APLF: variants seen among roughly 807,000 people sequenced by gnomAD.
The protein encoded by APLF is aprataxin and PNKP like factor.
Under a neutral mutation model 55.6 loss-of-function variants are expected in APLF, and 61 were observed. The ratio of observed to expected loss-of-function variants is 1.10; its 90% CI spans 0.89 to 1.36. APLF has a LOEUF of 1.36. APLF is among the 40% of genes most tolerant of loss of function. APLF has a pLI of 0.00. For synonymous variants in APLF, 207 were observed against 214.8 expected, an observed-to-expected ratio of 0.96 and a Z score of 0.32; for missense variants, 611 against 602.5, an observed-to-expected ratio of 1.01 and a Z score of -0.15.
chr2:68,546,491 T>G lies in APLF; in HGVS notation c.1286+1179T>G, dbSNP rs111674072. 2.2e-4 allele frequency among the ~76,000 whole-genome samples: 33 copies of G among 152,072 alleles called. 1 individual carries two copies. The highest frequency in any genetic ancestry group is 7.5e-4 in the African/African-American group (31 of 41,558). On this transcript the variant is annotated intron_variant, in intron 8 of 9. Coordinates refer to ENST00000303795, the MANE Select transcript of APLF (RefSeq NM_173545.3). ...TGAAAAATTATAGGATAAGCTTACTTTTGAACATAGTTGTAAATATCCTGA... is the reference window on the plus strand; with the variant it reads ...TGAAAAATTATAGGATAAGCTTACTGTTGAACATAGTTGTAAATATCCTGA...
intron 8 of APLF, among the ~76,000 whole-genome samples, chr2:68,564,074 A>C (rs1021994336): frequency 6.6e-6 from 1 of 152,048 alleles, no homozygotes; most frequent in African/African-American, 2.4e-5. Context: ...TTTGGTATTA[A>C]TGTTCCCCAT....
chr2:68,568,249 G>A (rs927929896), intron 9 of APLF: 106 of 984,810 alleles, frequency 1.1e-4, no homozygotes, highest in East Asian at 4.5e-4. Flanking sequence ...CTGATTCAGC[G>A]CATAATATTT....
At chr2:68,486,771 T>C (rs1381182901) in intron 1 of APLF, among the ~76,000 whole-genome samples, 2 of 152,164 alleles carry the variant, frequency 1.3e-5, no homozygotes, top group African/African-American at 4.8e-5. Flanking sequence ...ATAATTATTC[T>C]ATAAAAATTG....
rs1671692372 is a variant in APLF, at chr2:68,578,925, A to T, written c.*903A>T. ...AAACCACTTATTCTCCAGTTTTACA[A>T]AGTATCTTTCTGTATTTCTGTTCTA... is the stretch of plus-strand genomic sequence containing the variant. On this transcript the variant is annotated 3_prime_UTR_variant, in exon 10 of 10. Transcript: ENST00000303795. 1.0e-6 allele frequency: 1 copy of T among 985,192 alleles called. No homozygotes were observed. The highest frequency in any genetic ancestry group is 4.7e-5 in the South Asian group (1 of 21,294). The allele number at this position is 985,192 out of a possible 1,614,324, so 61.0% of individuals were successfully genotyped here.
intron 5 of APLF, among the ~76,000 whole-genome samples, chr2:68,524,966 G>A (rs75436646): frequency 0.084 from 12,807 of 152,198 alleles, 603 homozygotes; most frequent in Middle Eastern, 0.12. Flanking sequence ...CATTGTTATT[G>A]AGATTTATTT....
At chr2:68,485,456 G>C (rs955454052) in intron 1 of APLF, among the ~76,000 whole-genome samples, 1 of 152,170 alleles carries the variant, frequency 6.6e-6, no homozygotes, top group Non-Finnish European at 1.5e-5. Context: ...CTCCTGTGGT[G>C]ATGTGGTAAG....
At chr2:68,510,105 T>G in intron 3 of APLF, among the ~76,000 whole-genome samples, 1 of 148,266 alleles carries the variant, frequency 6.7e-6, no homozygotes, top group South Asian at 2.2e-4. Flanking sequence ...CATTAGGAGA[T>G]ACACCTAATG....
rs1671701722 is a variant in APLF at position 68,579,162 on chromosome 2, A to G, written c.*1140A>G. ...AATTTATATCTTAAAAGATCAAAACATATTTATAATAATATTTTCTCATTG... is the reference window on the plus strand; with the variant it reads ...AATTTATATCTTAAAAGATCAAAACGTATTTATAATAATATTTTCTCATTG... On this transcript the variant is annotated 3_prime_UTR_variant, in exon 10 of 10. Transcript: ENST00000303795. 1.3e-6 allele frequency: 1 copy of G among 786,366 alleles called. No homozygotes were observed. The highest frequency in any genetic ancestry group is 1.3e-4 in the East Asian group (1 of 7,902). 48.7% of individuals were successfully genotyped at this position (786,366 alleles called of 1,614,324 possible).
Position 68,536,568 on chromosome 2 carries a change from A to C in APLF, c.805-1304A>C, listed in dbSNP as rs181469907. Among the ~76,000 whole-genome samples, 17 of 152,242 alleles carry C rather than the reference A, an allele frequency of 1.1e-4. No homozygotes were observed. In the East Asian group the frequency reaches 1.9e-3, roughly 17 times the overall value. On this transcript the variant is annotated intron_variant, in intron 6 of 9. Coordinates refer to ENST00000303795, the MANE Select transcript of APLF (RefSeq NM_173545.3). ...ATTGTTTCTACTCCACGGGAAGTAT[A>C]AGTAATTAAGGGGTCATTTTTAACA...
intron 1 of APLF, among the ~76,000 whole-genome samples, chr2:68,485,571 T>C (rs1292676300): frequency 6.6e-6 from 1 of 152,124 alleles, no homozygotes; most frequent in Non-Finnish European, 1.5e-5. Flanking sequence ...GAATATTTAT[T>C]CCCAACAGAC....
At chr2:68,549,862 AT>A (rs1247511464) in intron 8 of APLF, among the ~76,000 whole-genome samples, 1 of 152,144 alleles carries the variant, frequency 6.6e-6, no homozygotes, top group Admixed American at 6.5e-5. Flanking sequence ...AAAGTGGGAA[AT>A]TTACTCAGAG....
intron 6 of APLF, among the ~76,000 whole-genome samples, chr2:68,526,746 G>T (rs1170381199): frequency 6.6e-6 from 1 of 152,140 alleles, no homozygotes; most frequent in African/African-American, 2.4e-5. Flanking sequence ...GGAGCGCAGT[G>T]GTGCGATCTC....
intron 8 of APLF, among the ~76,000 whole-genome samples, chr2:68,560,080 T>C (rs1671128583): frequency 6.6e-6 from 1 of 152,198 alleles, no homozygotes; most frequent in Non-Finnish European, 1.5e-5. Context: ...CCTTCAGATA[T>C]GTGTGTGATA....
chr2:68,503,716 G>A (rs1369072966), intron 3 of APLF, among the ~76,000 whole-genome samples: 1 of 152,066 alleles, frequency 6.6e-6, no homozygotes, highest in Non-Finnish European at 1.5e-5. Context: ...TTAGCCCTTA[G>A]GGGGAAGTTT....
chr2:68,500,631 G>A (rs1676689799), intron 2 of APLF, among the ~76,000 whole-genome samples: 1 of 152,156 alleles, frequency 6.6e-6, no homozygotes, highest in Non-Finnish European at 1.5e-5. Flanking sequence ...GAAGAACATG[G>A]TCTTAGCCTA....
At chr2:68,532,002 TA>T (rs1670271585) in intron 6 of APLF, among the ~76,000 whole-genome samples, 1 of 152,076 alleles carries the variant, frequency 6.6e-6, no homozygotes, top group Non-Finnish European at 1.5e-5. Context: ...ACAGGAAAAA[TA>T]AGGCTTAAAT....
intron 8 of APLF, among the ~76,000 whole-genome samples, chr2:68,546,227 C>A (rs1414628240): frequency 6.6e-6 from 1 of 151,874 alleles, no homozygotes; most frequent in African/African-American, 2.4e-5. Context: ...CTTTAAGAAA[C>A]AGATACAATC....
chr2:68,563,239 A>G (rs1671213979), intron 8 of APLF: 1 of 985,108 alleles, frequency 1.0e-6, no homozygotes. Flanking sequence ...TTCCCCTTCT[A>G]AGGCAGATGA....
At position 68,490,243 on chromosome 2, in the gene APLF, T is replaced by C; in HGVS notation, c.150T>C (p.Gly50=). The change falls in exon 2 of 10, where the codon GGT becomes GGC. Residue 50 remains glycine (G), a synonymous_variant. Coordinates refer to ENST00000303795, the MANE Select transcript of APLF (RefSeq NM_173545.3). ...ATGCCATTCTTGAGGTGGCAGGTGG[T>C]CAGCTGCGAATCAAACCGGTAAATA... is the stretch of plus-strand genomic sequence containing the variant. ...RRHAILEVAG[G]QLRIKPIHTN... 1 of 1,612,430 alleles carries C rather than the reference T, an allele frequency of 6.2e-7. No homozygotes were observed. The highest frequency in any genetic ancestry group is 8.5e-7 in the Non-Finnish European group (1 of 1,179,542).
Sources: gnomAD v4.1 joint callset for allele counts (sites outside exome capture counted in the v4.1 genomes callset) on GRCh38, gnomAD v4.1.1 for gene constraint, MANE v1.5 for transcripts, NCBI Gene and HGNC (gene_info 2026-07-23, HGNC 2026-07-21) for gene names.